The following PUDP variants were observed in gnomAD, a reference collection of about 807,000 sequenced individuals.
The protein encoded by PUDP is pseudouridine-5'-phosphatase.
PUDP carries 8 observed loss-of-function variants against 9.4 expected under a neutral mutation model. The observed-to-expected ratio is 0.85, with a 90% CI of 0.50 to 1.53. PUDP has a LOEUF of 1.53. Among genes scored for constraint, PUDP ranks in the 40% most tolerant of loss-of-function variants. The probability of loss-of-function intolerance (pLI) is 0.00; values close to 1 mark genes in which losing one functional copy is unlikely to be tolerated. For synonymous variants in PUDP, 99 were observed against 80.7 expected (o/e 1.23, Z -1.22); for missense variants, 188 against 189.7 (o/e 0.99, Z 0.05).
At chrX:6,830,670 C>T (rs1182907744) in intron 3 of PUDP, among the ~76,000 whole-genome samples, 2 of 111,774 alleles carry the variant, frequency 1.8e-5, no homozygotes, top group African/African-American at 3.2e-5. Context: ...TTAAGAGATA[C>T]GAAGCCTAGG....
Position 7,050,106 on chromosome X carries a change from C to T in PUDP, c.*190G>A. On this transcript the variant is annotated 3_prime_UTR_variant, in exon 4 of 4. Transcript: ENST00000381077. ...TTTCTGTCTCTACTGTATTTTTTGT[C>T]TCAACCGTCAAGTCACATTTTATCA... 2.4e-6 allele frequency: 1 copy of T among 413,456 alleles called. No homozygotes were observed. The highest frequency in any genetic ancestry group is 4.1e-6 in the Non-Finnish European group (1 of 241,416). The allele number at this position is 413,456 out of a possible 1,213,427, so 34.1% of individuals were successfully genotyped here. A position where few individuals can be genotyped will look rare whatever the true frequency, so the allele number is the denominator to read the frequency against.
At chrX:6,877,915 G>T (rs1003698686) in intron 3 of PUDP, among the ~76,000 whole-genome samples, 1 of 111,917 alleles carries the variant, frequency 8.9e-6, no homozygotes, top group Non-Finnish European at 1.9e-5. Context: ...CCATGGGGGA[G>T]GTGAAGGGAC....
At chrX:7,088,394 C>T (rs1196601766) in intron 2 of PUDP, among the ~76,000 whole-genome samples, 3 of 111,401 alleles carry the variant, frequency 2.7e-5, no homozygotes, top group African/African-American at 3.3e-5. Context: ...CATTCCTCTG[C>T]TAAGCACTAG....
intron 3 of PUDP, among the ~76,000 whole-genome samples, chrX:6,900,333 G>GGT (rs1569119675): frequency 1.9e-5 from 2 of 106,719 alleles, no homozygotes; most frequent in South Asian, 4.4e-4. Flanking sequence ...ACTTGGGGGG[G>GGT]GGGGCGCTGC....
At chrX:6,984,182 A>G (rs1258403440) in intron 1 of PUDP, among the ~76,000 whole-genome samples, 2 of 112,208 alleles carry the variant, frequency 1.8e-5, no homozygotes, top group African/African-American at 6.5e-5. Flanking sequence ...GTATGATTCC[A>G]TTTATTTGAA....
intron 3 of PUDP, among the ~76,000 whole-genome samples, chrX:6,923,797 G>A (rs1928059980): frequency 9.0e-6 from 1 of 111,279 alleles, no homozygotes; most frequent in Admixed American, 9.6e-5. Context: ...ACCTTCTAGT[G>A]GCTCCACGTC....
intron 2 of PUDP, among the ~76,000 whole-genome samples, chrX:7,090,775 A>G (rs974981180): frequency 1.8e-5 from 2 of 111,305 alleles, no homozygotes; most frequent in East Asian, 2.8e-4. Context: ...TGTTGTCACA[A>G]TGAAGAGGCT....
At chrX:6,759,826 C>T (rs1925209214) in intron 3 of PUDP, among the ~76,000 whole-genome samples, 2 of 111,695 alleles carry the variant, frequency 1.8e-5, no homozygotes, top group Non-Finnish European at 3.8e-5. Flanking sequence ...TTGTTTACAA[C>T]GATGCTGCCA....
intron 3 of PUDP, among the ~76,000 whole-genome samples, chrX:6,757,402 G>A (rs888199567): frequency 2.7e-5 from 3 of 110,235 alleles, no homozygotes; most frequent in Admixed American, 2.0e-4. Context: ...AAAATGGAAG[G>A]AAAAGAAGAT....
chrX:7,042,854 T>C (rs984716340), intron 1 of PUDP, among the ~76,000 whole-genome samples: 36 of 111,963 alleles, frequency 3.2e-4, no homozygotes, highest in Non-Finnish European at 6.4e-4. Context: ...ACTCTGTTCT[T>C]TCCCTTGCTA....
At chrX:6,876,473 C>CACACATAT (rs747897374) in intron 3 of PUDP, among the ~76,000 whole-genome samples, 9,876 of 109,310 alleles carry the variant, frequency 0.09, 594 homozygotes, top group East Asian at 0.45. Flanking sequence ...TATGTATATA[C>CACACATAT]ACACATATAC....
At chrX:6,956,235 G>A (rs965434964) in intron 3 of PUDP, among the ~76,000 whole-genome samples, 1 of 110,934 alleles carries the variant, frequency 9.0e-6, no homozygotes, top group Non-Finnish European at 1.9e-5. Flanking sequence ...TATTTTAGTA[G>A]AGACGGGGTT....
At chrX:6,954,772 G>A (rs1928602552) in intron 3 of PUDP, among the ~76,000 whole-genome samples, 1 of 112,330 alleles carries the variant, frequency 8.9e-6, no homozygotes, top group Admixed American at 9.4e-5. Context: ...TCCTGTCCCT[G>A]TGGAGTCATG....
At chrX:7,047,153 G>A (rs375691848), downstream of PUDP, among the ~76,000 whole-genome samples, 1 of 111,932 alleles carries the variant, frequency 8.9e-6, no homozygotes, top group East Asian at 2.8e-4. Flanking sequence ...CAATTAAATC[G>A]GAACAGGTAA....
intron 3 of PUDP, among the ~76,000 whole-genome samples, chrX:6,748,381 C>A (rs1925024715): frequency 8.9e-6 from 1 of 111,904 alleles, no homozygotes; most frequent in African/African-American, 3.2e-5. Context: ...GAAATCATTC[C>A]TTCCATCAAA....
rs755475547 is a variant in PUDP, at chrX:6,720,244, A to ATGTG, written n.128+1169_128+1172dup. Reference sequence around the variant, plus strand: ...TGTGTATATATGTGTGTATATATGTATGTGTGTGTGTGTGTATATATATAT... The same window carrying ATGTG: ...TGTGTATATATGTGTGTATATATGTATGTGTGTGTGTGTGTGTGTATATATATAT... On this transcript the variant is annotated intron_variant and non_coding_transcript_variant, in intron 1 of 2. Transcript: ENST00000438499. Among the ~76,000 whole-genome samples the ATGTG allele has an allele frequency of 1.7e-4, 11 of 63,604 alleles. No individual in the cohort carries two copies. The South Asian group carries it at 3.2e-3, about 18-fold the overall frequency. The allele number at this position is 63,604 out of a possible 115,157, so 55.2% of individuals were successfully genotyped here. A position where few individuals can be genotyped will look rare whatever the true frequency, so the allele number is the denominator to read the frequency against.
intron 2 of PUDP, among the ~76,000 whole-genome samples, chrX:7,077,792 G>C (rs1930962900): frequency 2.7e-5 from 3 of 112,767 alleles, no homozygotes; most frequent in Middle Eastern, 9.2e-3. Flanking sequence ...GACTGGACCT[G>C]GGATCTGGCC....
intron 3 of PUDP, among the ~76,000 whole-genome samples, chrX:6,970,205 C>A (rs1302646842): frequency 8.9e-6 from 1 of 112,016 alleles, no homozygotes; most frequent in Non-Finnish European, 1.9e-5. Flanking sequence ...CACAATTTAG[C>A]AACTGAGTCA....
At chrX:6,800,755 C>G (rs1200197084) in intron 3 of PUDP, among the ~76,000 whole-genome samples, 1 of 111,925 alleles carries the variant, frequency 8.9e-6, no homozygotes, top group Non-Finnish European at 1.9e-5. Context: ...ATTCACAACT[C>G]AAGCCATTCT....
Sources: gnomAD v4.1 joint callset for allele counts (sites outside exome capture counted in the v4.1 genomes callset) on GRCh38, gnomAD v4.1.1 for gene constraint, MANE v1.5 for transcripts, NCBI Gene and HGNC (gene_info 2026-07-23, HGNC 2026-07-21) for gene names.